MACROD2: variants seen among roughly 807,000 people sequenced by gnomAD.
MACROD2 encodes the protein ADP-ribose glycohydrolase MACROD2.
A neutral mutation model predicts 70.4 loss-of-function variants in MACROD2; 36 were observed. The ratio of observed to expected loss-of-function variants is 0.51; its 90% CI spans 0.39 to 0.68. The LOEUF (loss-of-function observed/expected upper bound fraction) is 0.68, where lower values mean the gene tolerates loss of function less well. Among genes scored for constraint, MACROD2 ranks in the 30% least tolerant of loss-of-function variants. The pLI is 0.00. For missense variants in MACROD2, 496 were observed against 538.4 expected (o/e 0.92, Z 0.78); for synonymous variants, 172 against 178.8 (o/e 0.96, Z 0.30).
chr20:15,441,726 G>A (rs2046497240), intron 7 of MACROD2, among the ~76,000 whole-genome samples: 1 of 152,134 alleles, frequency 6.6e-6, no homozygotes, highest in South Asian at 2.1e-4. Context: ...GTTGTGTCAA[G>A]GTAAAAGTGA....
At chr20:16,034,483 T>C (rs1404937648) in intron 15 of MACROD2, among the ~76,000 whole-genome samples, 1 of 151,976 alleles carries the variant, frequency 6.6e-6, no homozygotes, top group Non-Finnish European at 1.5e-5. Flanking sequence ...CATAAATTCG[T>C]GTCTGTGCAT....
At chr20:15,475,612 G>A (rs1324111845) in intron 7 of MACROD2, among the ~76,000 whole-genome samples, 1 of 152,136 alleles carries the variant, frequency 6.6e-6, no homozygotes, top group Admixed American at 6.5e-5. Flanking sequence ...GCCACACCCC[G>A]CAGTCATCCA....
At chr20:15,355,240 G>A (rs1011851498) in intron 6 of MACROD2, among the ~76,000 whole-genome samples, 9 of 152,164 alleles carry the variant, frequency 5.9e-5, no homozygotes, top group African/African-American at 1.9e-4. Context: ...GCCTGGGAAG[G>A]CCACTTGCAC....
intron 6 of MACROD2, among the ~76,000 whole-genome samples, chr20:15,255,331 C>T (rs1027934006): frequency 6.6e-6 from 1 of 152,050 alleles, no homozygotes; most frequent in African/African-American, 2.4e-5. Flanking sequence ...TAGGTGCTTC[C>T]TGTCCAAGCA....
chr20:14,386,102 A>G (rs2083465575), intron 3 of MACROD2, among the ~76,000 whole-genome samples: 1 of 152,210 alleles, frequency 6.6e-6, no homozygotes, highest in South Asian at 2.1e-4. Flanking sequence ...AGTTTTCATC[A>G]TAACTTTGAT....
At chr20:14,085,036 G>T (rs2054059306) in intron 2 of MACROD2, among the ~76,000 whole-genome samples, 1 of 136,082 alleles carries the variant, frequency 7.3e-6, no homozygotes, top group East Asian at 2.3e-4. Context: ...GGGGGTGGGG[G>T]GGTGGTGGGG....
chr20:15,160,390 C>A (rs1332951334), intron 5 of MACROD2, among the ~76,000 whole-genome samples: 1 of 152,080 alleles, frequency 6.6e-6, no homozygotes, highest in Non-Finnish European at 1.5e-5. Flanking sequence ...TTGTAGAAAC[C>A]ACTCTATTGC....
At chr20:15,122,271 A>T (rs1044458698) in intron 5 of MACROD2, among the ~76,000 whole-genome samples, 7 of 151,994 alleles carry the variant, frequency 4.6e-5, no homozygotes, top group Non-Finnish European at 8.8e-5. Flanking sequence ...TATCATCTGG[A>T]TGTATTGCTA....
At chr20:14,002,964 G>C (rs1424853769) in intron 2 of MACROD2, among the ~76,000 whole-genome samples, 1 of 152,138 alleles carries the variant, frequency 6.6e-6, no homozygotes, top group Non-Finnish European at 1.5e-5. Flanking sequence ...AGAATATAAA[G>C]GAAGTTTTAA....
intron 2 of MACROD2, among the ~76,000 whole-genome samples, chr20:14,021,917 G>T (rs1569119581): frequency 1.3e-5 from 2 of 152,108 alleles, no homozygotes; most frequent in Non-Finnish European, 1.5e-5. Context: ...AACCTTAGGG[G>T]GAAGGGGAAA....
intron 3 of MACROD2, among the ~76,000 whole-genome samples, chr20:14,401,559 G>T (rs2083638356): frequency 6.6e-6 from 1 of 152,004 alleles, no homozygotes; most frequent in South Asian, 2.1e-4. Flanking sequence ...TTCTTCTTGG[G>T]TGTTAATTGC....
chr20:14,444,931 CCATCATCCTGCTTCAAGCCAG>C (rs1488942038), intron 3 of MACROD2, among the ~76,000 whole-genome samples: 10 of 151,932 alleles, frequency 6.6e-5, no homozygotes, highest in Non-Finnish European at 1.0e-4. Flanking sequence ...CCTATGACCA[CCATCATCCTGCTTCAAGCCAG>C]CATCACCTCT....
At chr20:14,570,658 T>C (rs1980130732) in intron 4 of MACROD2, among the ~76,000 whole-genome samples, 2 of 151,944 alleles carry the variant, frequency 1.3e-5, no homozygotes, top group South Asian at 4.1e-4. Flanking sequence ...AAACTAATTG[T>C]TTGAATAAAA....
At chr20:14,116,311 G>C (rs1233120334) in intron 3 of MACROD2, among the ~76,000 whole-genome samples, 1 of 152,168 alleles carries the variant, frequency 6.6e-6, no homozygotes, top group Non-Finnish European at 1.5e-5. Flanking sequence ...CAGATCAAAA[G>C]CTTTCTGAGG....
In MACROD2 at chr20:15,347,100, A is replaced by G. The variant is rs1009172487; in HGVS notation, c.541-84305A>G. 2.6e-5 allele frequency among the ~76,000 whole-genome samples: 4 copies of G among 152,202 alleles called. No homozygotes were observed. In the East Asian group the frequency reaches 7.7e-4, roughly 29 times the overall value. ...AGGTGACTCTGTACTGAGTCATTGTAAAGTCTTTCAAGGCTACAGGTAATT... is the reference window on the plus strand; with the variant it reads ...AGGTGACTCTGTACTGAGTCATTGTGAAGTCTTTCAAGGCTACAGGTAATT... On this transcript the variant is annotated intron_variant, in intron 6 of 17. Transcript: ENST00000684519.
At chr20:15,512,395 C>T (rs1379339904) in intron 8 of MACROD2, among the ~76,000 whole-genome samples, 1 of 152,196 alleles carries the variant, frequency 6.6e-6, no homozygotes, top group African/African-American at 2.4e-5. Flanking sequence ...CTGGATATTG[C>T]CTTTGATGCC....
chr20:14,681,951 T>C (rs1045918871), intron 4 of MACROD2, among the ~76,000 whole-genome samples: 1 of 152,144 alleles, frequency 6.6e-6, no homozygotes, highest in Middle Eastern at 3.2e-3. Context: ...ATGGAGATGA[T>C]AAAATTAATA....
At chr20:15,792,552 C>T (rs565013563) in intron 8 of MACROD2, among the ~76,000 whole-genome samples, 9 of 152,084 alleles carry the variant, frequency 5.9e-5, no homozygotes, top group African/African-American at 1.4e-4. Flanking sequence ...ACAATAAAAA[C>T]GTAAGAGGAC....
At chr20:15,055,684 A>G (rs968275732) in intron 5 of MACROD2, among the ~76,000 whole-genome samples, 1 of 151,754 alleles carries the variant, frequency 6.6e-6, no homozygotes, top group African/African-American at 2.4e-5. Context: ...GATAATATTA[A>G]GTGGAACAAG....
Sources: allele counts gnomAD v4.1 joint callset (sites outside exome capture counted in the v4.1 genomes callset), GRCh38; gene constraint gnomAD v4.1.1; transcripts MANE v1.5; gene names NCBI Gene and HGNC (gene_info 2026-07-23, HGNC 2026-07-21).